Variants in TENM3 observed in about 807,000 individuals in gnomAD.
The protein encoded by TENM3 is teneurin-3.
A neutral mutation model predicts 255.1 loss-of-function variants in TENM3; 63 were observed. That is an observed-to-expected ratio of 0.25 (90% confidence interval 0.20 to 0.30). TENM3 has a LOEUF of 0.30. Among genes scored for constraint, TENM3 ranks in the 10% least tolerant of loss-of-function variants. The pLI is 1.00. For synonymous variants in TENM3, 1,306 were observed against 1,322.3 expected, an observed-to-expected ratio of 0.99 and a Z score of 0.27; for missense variants, 2,929 against 3,461.1, an observed-to-expected ratio of 0.85 and a Z score of 3.86.
intron 13 of TENM3, among the ~76,000 whole-genome samples, chr4:182,717,939 G>A (rs1239446226): frequency 1.3e-5 from 2 of 152,174 alleles, no homozygotes; most frequent in African/African-American, 2.4e-5. Flanking sequence ...AAGGAAGTGC[G>A]ATCTGGAGTG....
chr4:182,549,039 TAACTA>T (rs938714537), intron 3 of TENM3, among the ~76,000 whole-genome samples: 4 of 152,218 alleles, frequency 2.6e-5, no homozygotes, highest in African/African-American at 9.6e-5. Flanking sequence ...AGCAATAACT[TAACTA>T]AGTGAGCAGT....
Position 182,680,358 on chromosome 4 carries a change from G to T in TENM3, c.1639+9G>T, listed in dbSNP as rs374806517. The T allele has an allele frequency of 1.1e-5, 17 of 1,562,370 alleles. No homozygotes were observed. The African/African-American group carries it at 2.0e-4, about 19-fold the overall frequency. ...TCCGGATTGTTCAAGAGGTATGCAAGTTAGATTCTTCTCTTAAGCCGATAT... is the reference window on the plus strand; with the variant it reads ...TCCGGATTGTTCAAGAGGTATGCAATTTAGATTCTTCTCTTAAGCCGATAT... On this transcript the variant is annotated intron_variant, in intron 9 of 27. Coordinates refer to ENST00000511685, the MANE Select transcript of TENM3 (RefSeq NM_001080477.4).
the TENM3 span, among the ~76,000 whole-genome samples, chr4:181,882,075 G>C: frequency 4.6e-5 from 7 of 152,136 alleles, no homozygotes; most frequent in Admixed American, 4.6e-4. Flanking sequence ...GAAGTTCAAG[G>C]TTTTAGTAAA....
intron 22 of TENM3, among the ~76,000 whole-genome samples, chr4:182,772,198 C>T (rs750510157): frequency 2.2e-4 from 33 of 150,974 alleles, no homozygotes; most frequent in Non-Finnish European, 4.4e-4. Context: ...CGAAAAACCC[C>T]TATCATCTCA....
the TENM3 span, among the ~76,000 whole-genome samples, chr4:181,628,415 A>G: frequency 1.3e-5 from 2 of 152,186 alleles, no homozygotes; most frequent in South Asian, 2.1e-4. Flanking sequence ...GCCCATGCCT[A>G]TGTCCTGAAT....
chr4:182,212,453 C>G (rs564780754), intron 1 of TENM3, among the ~76,000 whole-genome samples: 15 of 152,066 alleles, frequency 9.9e-5, no homozygotes, highest in Non-Finnish European at 1.8e-4. Context: ...TGAAGTCTCT[C>G]TTGTACTCAG....
intron 1 of TENM3, among the ~76,000 whole-genome samples, chr4:182,271,706 A>G (rs1296102519): frequency 5.3e-5 from 8 of 152,252 alleles, no homozygotes; most frequent in Admixed American, 4.6e-4. Context: ...AATAAATTGT[A>G]TAACGGTAAT....
chr4:182,310,049 A>G (rs1762354403), intron 1 of TENM3, among the ~76,000 whole-genome samples: 1 of 152,232 alleles, frequency 6.6e-6, no homozygotes, highest in Non-Finnish European at 1.5e-5. Context: ...GTCCAAGGCC[A>G]TGTGTCACAT....
the TENM3 span, among the ~76,000 whole-genome samples, chr4:182,034,206 T>A: frequency 4.6e-5 from 7 of 152,264 alleles, no homozygotes; most frequent in East Asian, 1.4e-3. Flanking sequence ...ATGATTCAAT[T>A]ATCTCTACCT....
intron 3 of TENM3, among the ~76,000 whole-genome samples, chr4:182,386,429 C>T (rs1449727229): frequency 1.3e-5 from 2 of 152,248 alleles, no homozygotes; most frequent in Admixed American, 6.5e-5. Context: ...TTGCTCTCGG[C>T]GCCTCCTCTG....
the TENM3 span, among the ~76,000 whole-genome samples, chr4:181,515,210 C>T: frequency 6.6e-6 from 1 of 152,186 alleles, no homozygotes; most frequent in Non-Finnish European, 1.5e-5. Context: ...CCTCTGCTTT[C>T]CCCCGGCTCA....
the TENM3 span, among the ~76,000 whole-genome samples, chr4:181,586,169 A>T: frequency 1.3e-5 from 2 of 152,328 alleles, no homozygotes; most frequent in Non-Finnish European, 2.9e-5. Context: ...CTGATATCTC[A>T]GCCTTGAAGA....
intron 3 of TENM3, among the ~76,000 whole-genome samples, chr4:182,433,645 A>G (rs2151206474): frequency 6.6e-6 from 1 of 152,330 alleles, no homozygotes; most frequent in South Asian, 2.1e-4. Context: ...AGGCTGAGGA[A>G]TGGGAGTTAC....
Position 182,693,724 on chromosome 4 carries a change from C to T in TENM3, c.2221+5373C>T, listed in dbSNP as rs144944519. Among the ~76,000 whole-genome samples, 62 of 152,180 alleles carry T rather than the reference C, an allele frequency of 4.1e-4. No homozygotes were observed. The East Asian group carries it at 9.1e-3, about 22-fold the overall frequency. Reference sequence around the variant, plus strand: ...GAGCTTTGGGAATTGAAATTCTTGCCGTACCACTGAGTGACCTTGGGCAAG... The same window carrying T: ...GAGCTTTGGGAATTGAAATTCTTGCTGTACCACTGAGTGACCTTGGGCAAG... On this transcript the variant is annotated intron_variant, in intron 12 of 27. Transcript: ENST00000511685.
rs756654757 is a variant in TENM3, at chr4:182,775,012, C to T, written c.5163C>T (p.His1721=). 1.9e-5 allele frequency: 30 copies of T among 1,614,006 alleles called. No homozygotes were observed. Among genetic ancestry groups the T allele is most frequent in the Admixed American group, 3.3e-5 (2 of 60,022 alleles). ...GLDSHYQTEP[H]VLAGTANPTV... is the part of the protein sequence containing the mutation. ...ACTCACACTACCAAACAGAGCCGCA[C>T]GTTCTGGCTGGCACCGCTAATCCGA... Residue 1721 remains histidine (H), a synonymous_variant, in exon 24 of 28, where the codon CAC becomes CAT. Transcript: ENST00000511685.
At chr4:182,549,889 T>C (rs889596733) in intron 3 of TENM3, among the ~76,000 whole-genome samples, 2 of 152,214 alleles carry the variant, frequency 1.3e-5, no homozygotes, top group South Asian at 2.1e-4. Flanking sequence ...AGTCTGACTA[T>C]AGAGAACTAT....
the TENM3 span, among the ~76,000 whole-genome samples, chr4:182,091,916 G>A: frequency 4.6e-5 from 7 of 152,128 alleles, no homozygotes; most frequent in Admixed American, 6.5e-5. Flanking sequence ...CTGAAATAAC[G>A]GGCCCAGACT....
chr4:182,118,062 C>T, the TENM3 span, among the ~76,000 whole-genome samples: 1 of 152,048 alleles, frequency 6.6e-6, no homozygotes, highest in Non-Finnish European at 1.5e-5. Flanking sequence ...TTAATTGCTG[C>T]TATACAGAAA....
intron 5 of TENM3, among the ~76,000 whole-genome samples, chr4:182,641,716 G>A (rs755606331): frequency 6.6e-6 from 1 of 152,176 alleles, no homozygotes; most frequent in Non-Finnish European, 1.5e-5. Context: ...TAGCAGAGGC[G>A]GCGTTTTGCC....
Sources: gnomAD v4.1 joint callset for allele counts (sites outside exome capture counted in the v4.1 genomes callset) on GRCh38, gnomAD v4.1.1 for gene constraint, MANE v1.5 for transcripts, NCBI Gene and HGNC (gene_info 2026-07-23, HGNC 2026-07-21) for gene names.